Variants in SNORC observed in about 807,000 individuals in gnomAD.
The protein encoded by SNORC is secondary ossification center associated regulator of chondrocyte maturation, also known as protein SNORC.
SNORC carries 11 observed loss-of-function variants against 9.7 expected under a neutral mutation model. The observed-to-expected ratio is 1.14, with a 90% confidence interval of 0.72 to 1.88. The LOEUF is 1.88. Ranked by LOEUF, SNORC falls within the 40% of genes most tolerant of loss-of-function variation. The pLI is 0.00. For synonymous variants in SNORC, 108 were observed against 88.7 expected, an observed-to-expected ratio of 1.22 and a Z score of -1.22; for missense variants, 197 against 173.1, an observed-to-expected ratio of 1.14 and a Z score of -0.77.
At chr2:232,869,206 G>T (rs534536877), upstream of SNORC, 1 of 152,182 alleles carries the variant, frequency 6.6e-6, no homozygotes, top group African/African-American at 2.4e-5. Context: ...AATGGAAGGG[G>T]TGGCCACATA....
downstream of SNORC, chr2:232,876,869 C>T (rs930814463): frequency 4.2e-5 from 41 of 985,410 alleles, no homozygotes; most frequent in African/African-American, 6.8e-4. This position sits in a 1 kb window ranked among gnomAD's most constrained non-coding sequence, Gnocchi z 6.8. Flanking sequence ...CGCCGCGCTC[C>T]CCGGGGCCTG....
intron 1 of SNORC, among the ~76,000 whole-genome samples, chr2:232,872,889 G>A (rs1691083183): frequency 6.6e-6 from 1 of 152,250 alleles, no homozygotes; most frequent in Admixed American, 6.5e-5. Flanking sequence ...CTCCCTGGCA[G>A]CGGCACCCCT....
chr2:232,872,667 G>A (rs1376973605), intron 1 of SNORC, among the ~76,000 whole-genome samples: 3 of 152,082 alleles, frequency 2.0e-5, no homozygotes, highest in South Asian at 2.1e-4. Flanking sequence ...TTCACTGTCC[G>A]CCTGGCACGC....
chr2:232,872,339 A>C (rs949353903), intron 1 of SNORC, among the ~76,000 whole-genome samples: 5 of 152,166 alleles, frequency 3.3e-5, no homozygotes, highest in African/African-American at 1.2e-4. Flanking sequence ...AGGCCAGGGC[A>C]GGGATGAAAA....
chr2:232,877,289 C>G, downstream of SNORC: 2 of 985,476 alleles, frequency 2.0e-6, no homozygotes, highest in Non-Finnish European at 2.4e-6. Flanking sequence ...ACTTCACCCT[C>G]AGAGAGTCGG....
At chr2:232,877,950 C>T (rs1166318074), downstream of SNORC, 6 of 152,336 alleles carry the variant, frequency 3.9e-5, no homozygotes, top group Non-Finnish European at 7.3e-5. Flanking sequence ...CTTCCCAACC[C>T]TCCCCTCCAG....
chr2:232,870,295 C>T (rs751721233), exon 1 of SNORC: 10 of 1,518,580 alleles, frequency 6.6e-6, no homozygotes, highest in Non-Finnish European at 8.9e-6. Context: ...TTAACCAGCG[C>T]AGTCCTCCGT....
At chr2:232,874,404 C>T (rs912809429) in intron 1 of SNORC, among the ~76,000 whole-genome samples, 3 of 152,226 alleles carry the variant, frequency 2.0e-5, no homozygotes, top group African/African-American at 4.8e-5. Flanking sequence ...ACTTCACCAA[C>T]GGACCTGAGT....
intron 1 of SNORC, among the ~76,000 whole-genome samples, chr2:232,871,110 G>A (rs191209954): frequency 1.8e-4 from 27 of 152,302 alleles, no homozygotes; most frequent in Middle Eastern, 3.4e-3. Flanking sequence ...CCTTTTGGCC[G>A]GGAGTTGGAC....
chr2:232,875,992 G>A, exon 2 of SNORC: 1 of 1,554,738 alleles, frequency 6.4e-7, no homozygotes, highest in Non-Finnish European at 8.7e-7. Context: ...CGGCCGAGCT[G>A]CCGTCGGGAG....
downstream of SNORC, chr2:232,878,474 T>TCAAA (rs1691362161): frequency 6.5e-6 from 1 of 153,532 alleles, no homozygotes; most frequent in Non-Finnish European, 1.4e-5. Flanking sequence ...CCCAGCTCCG[T>TCAAA]CAAACAGCCC....
At chr2:232,874,389 T>C (rs987374501) in intron 1 of SNORC, among the ~76,000 whole-genome samples, 3 of 152,206 alleles carry the variant, frequency 2.0e-5, no homozygotes, top group Non-Finnish European at 4.4e-5. Context: ...CCACACCCTG[T>C]TCAAACTTCA....
At chr2:232,873,682 G>A (rs927676728) in intron 1 of SNORC, among the ~76,000 whole-genome samples, 1 of 152,340 alleles carries the variant, frequency 6.6e-6, no homozygotes, top group East Asian at 1.9e-4. Flanking sequence ...CCTGCCAGGC[G>A]GTGGGCGCAC....
chr2:232,873,143 G>A (rs1414265205), intron 1 of SNORC, among the ~76,000 whole-genome samples: 1 of 152,202 alleles, frequency 6.6e-6, no homozygotes, highest in Non-Finnish European at 1.5e-5. Context: ...AGATGCTGGT[G>A]TTCACACAGT....
upstream of SNORC, chr2:232,869,106 G>C (rs1559179151): frequency 1.3e-5 from 2 of 152,284 alleles, no homozygotes; most frequent in South Asian, 2.1e-4. Context: ...GTTAGGGTAG[G>C]TACAAGGTAA....
intron 1 of SNORC, among the ~76,000 whole-genome samples, chr2:232,872,574 G>T (rs1229042597): frequency 2.0e-5 from 3 of 152,170 alleles, no homozygotes; most frequent in African/African-American, 7.2e-5. Context: ...TGGAGTCTGG[G>T]CCTCATTACC....
chr2:232,874,419 G>A (rs1348939728), intron 1 of SNORC, among the ~76,000 whole-genome samples: 2 of 152,198 alleles, frequency 1.3e-5, no homozygotes, highest in African/African-American at 4.8e-5. Flanking sequence ...CTGAGTCTCC[G>A]ATCACAGGCC....
intron 1 of SNORC, 64 bp downstream of exon 1, chr2:232,870,478 G>C (rs374593527): frequency 1.4e-6 from 2 of 1,450,744 alleles, no homozygotes. Context: ...CTACCTTGGG[G>C]CCAGATTCTT....
At chr2:232,876,706 C>T (rs1295119340), downstream of SNORC, 6 of 989,820 alleles carry the variant, frequency 6.1e-6, no homozygotes, top group South Asian at 4.7e-5. The surrounding 1 kb of genome is among the most constrained non-coding windows in gnomAD (Gnocchi z 6.8). Context: ...TGTGCGTGCC[C>T]GGTGCGCGTG....
Sources: allele counts gnomAD v4.1 joint callset (sites outside exome capture counted in the v4.1 genomes callset), GRCh38; gene constraint gnomAD v4.1.1; non-coding constraint Gnocchi (gnomAD v3.1); transcripts MANE v1.5; gene names NCBI Gene and HGNC (gene_info 2026-07-23, HGNC 2026-07-21).